Variants in STT3B observed in about 807,000 individuals in gnomAD.
The protein encoded by STT3B is dolichyl-diphosphooligosaccharide--protein glycosyltransferase subunit STT3B.
A neutral mutation model predicts 96.8 loss-of-function variants in STT3B; 29 were observed. That is an observed-to-expected ratio of 0.30 (90% CI 0.22 to 0.41). The LOEUF (loss-of-function observed/expected upper bound fraction) is 0.41. Among genes scored for constraint, STT3B ranks in the 10% least tolerant of loss-of-function variants. The pLI is 1.00. For missense variants in STT3B, 640 were observed against 1,022.3 expected (o/e 0.63, Z 5.10); for synonymous variants, 367 against 360.0 (o/e 1.02, Z -0.22).
chr3:31,559,374 T>C (rs1001125266), intron 1 of STT3B, among the ~76,000 whole-genome samples: 2 of 151,752 alleles, frequency 1.3e-5, no homozygotes, highest in African/African-American at 4.8e-5. Context: ...TGCTGTTTCT[T>C]ATAGGTTTGG....
chr3:31,566,748 T>C (rs910320470), intron 1 of STT3B, among the ~76,000 whole-genome samples: 4 of 152,190 alleles, frequency 2.6e-5, no homozygotes, highest in Admixed American at 6.5e-5. Flanking sequence ...TTTACTCTTT[T>C]ATTTATCTGA....
chr3:31,624,878 A>G (rs765497303), intron 11 of STT3B, 36 bp from the exon 12 acceptor site: 27 of 1,529,944 alleles, frequency 1.8e-5, no homozygotes, highest in Non-Finnish European at 2.4e-5. Flanking sequence ...CACATTTGTG[A>G]CATCTCATTT....
intron 1 of STT3B, among the ~76,000 whole-genome samples, chr3:31,563,494 A>G (rs957014959): frequency 2.6e-5 from 4 of 152,242 alleles, no homozygotes; most frequent in African/African-American, 7.2e-5. Flanking sequence ...GATAAAGGCT[A>G]TTAAAAAAGT....
intron 3 of STT3B, among the ~76,000 whole-genome samples, chr3:31,581,003 T>C (rs1698372253): frequency 1.3e-5 from 2 of 151,778 alleles, no homozygotes; most frequent in African/African-American, 4.8e-5. Flanking sequence ...AACTATATAA[T>C]ATTTTAAATC....
At position 31,622,302 on chromosome 3, in the gene STT3B, T is replaced by C. The variant is rs141872505; in HGVS notation, c.1533T>C (p.Tyr511=). Residue 511 remains tyrosine, a synonymous_variant, in exon 10 of 16, where the codon TAT becomes TAC. Coordinates refer to ENST00000295770, the MANE Select transcript of STT3B (RefSeq NM_178862.3). ...ACAAAAGAAACCAAGGAAATTTGTA[T>C]GATAAGGTGGGGAATCTAAAGTAAG... The part of the protein sequence containing the change: ...EDDKRNQGNL[Y]DKAGKVRKHA... The C allele has an allele frequency of 2.5e-6, 4 of 1,613,814 alleles. No individual in the cohort carries two copies. The highest frequency in any genetic ancestry group is 1.3e-5 in the African/African-American group (1 of 75,068).
intron 1 of STT3B, among the ~76,000 whole-genome samples, chr3:31,557,702 G>A (rs1697754118): frequency 6.6e-6 from 1 of 151,934 alleles, no homozygotes; most frequent in Non-Finnish European, 1.5e-5. Flanking sequence ...GCGCAGTCTC[G>A]GCTCACTGCA....
At chr3:31,633,528 G>A (rs892513518) in intron 15 of STT3B, among the ~76,000 whole-genome samples, 2 of 152,078 alleles carry the variant, frequency 1.3e-5, no homozygotes, top group African/African-American at 4.8e-5. Context: ...TTAGTATGAT[G>A]TTACTCTATT....
chr3:31,558,867 T>G (rs1289393635), intron 1 of STT3B, among the ~76,000 whole-genome samples: 5 of 151,782 alleles, frequency 3.3e-5, no homozygotes, highest in Admixed American at 6.6e-5. Flanking sequence ...GTTCAGGTTT[T>G]TTTTTTTTTT....
intron 1 of STT3B, among the ~76,000 whole-genome samples, chr3:31,554,302 T>G (rs1697639435): frequency 6.6e-6 from 1 of 152,154 alleles, no homozygotes; most frequent in African/African-American, 2.4e-5. Flanking sequence ...ATGGAAAAAA[T>G]GAGCCTTGGT....
At chr3:31,562,293 G>T (rs1317125234) in intron 1 of STT3B, among the ~76,000 whole-genome samples, 1 of 152,176 alleles carries the variant, frequency 6.6e-6, no homozygotes, top group African/African-American at 2.4e-5. Flanking sequence ...TGTGTGGGCT[G>T]GTCCCCAGAC....
chr3:31,633,537 T>TAA (rs773906603), intron 15 of STT3B, among the ~76,000 whole-genome samples: 4 of 152,232 alleles, frequency 2.6e-5, no homozygotes, highest in Non-Finnish European at 4.4e-5. Context: ...TGTTACTCTA[T>TAA]TATTCATTGA....
At chr3:31,615,259 A>G in intron 6 of STT3B, 56 bp downstream of exon 6, 11 of 1,299,670 alleles carry the variant, frequency 8.5e-6, no homozygotes, top group Non-Finnish European at 1.2e-5. Context: ...TGTGATTGGC[A>G]GTCTTCCAAG....
At chr3:31,621,881 A>G (rs1330921108) in intron 9 of STT3B, among the ~76,000 whole-genome samples, 3 of 152,334 alleles carry the variant, frequency 2.0e-5, no homozygotes, top group Non-Finnish European at 2.9e-5. Flanking sequence ...ACATTTTTCT[A>G]AACTGTGGAT....
chr3:31,564,280 T>G (rs1307042241), intron 1 of STT3B, among the ~76,000 whole-genome samples: 1 of 152,188 alleles, frequency 6.6e-6, no homozygotes, highest in Non-Finnish European at 1.5e-5. Flanking sequence ...ATATATAAAA[T>G]AGTTCAGAGG....
intron 1 of STT3B, among the ~76,000 whole-genome samples, chr3:31,561,491 G>A (rs939159957): frequency 1.3e-5 from 2 of 151,814 alleles, no homozygotes; most frequent in African/African-American, 4.8e-5. Flanking sequence ...TCACCCTATT[G>A]TGCTATCAAA....
chr3:31,607,674 A>G (rs1699083917), intron 5 of STT3B, among the ~76,000 whole-genome samples: 1 of 152,202 alleles, frequency 6.6e-6, no homozygotes, highest in Non-Finnish European at 1.5e-5. Context: ...GAATAAATGT[A>G]TATAGTTGAA....
intron 3 of STT3B, among the ~76,000 whole-genome samples, chr3:31,583,716 C>T (rs1698467349): frequency 6.6e-6 from 1 of 152,136 alleles, no homozygotes. Flanking sequence ...GAAGTAATTA[C>T]TCGTAAAGAG....
intron 6 of STT3B, 103 bp from the exon 7 acceptor site, chr3:31,616,826 A>AT: frequency 1.1e-6 from 1 of 915,444 alleles, no homozygotes; most frequent in Non-Finnish European, 1.6e-6. Context: ...GTAGTCTTTG[A>AT]TATGAATGGT....
intron 5 of STT3B, among the ~76,000 whole-genome samples, chr3:31,603,222 GT>G (rs1233335269): frequency 2.0e-5 from 3 of 152,080 alleles, no homozygotes; most frequent in African/African-American, 7.2e-5. Context: ...TTATGAAAAA[GT>G]TGTGTCCTCT....
Sources: gnomAD v4.1 joint callset for allele counts (sites outside exome capture counted in the v4.1 genomes callset) on GRCh38, gnomAD v4.1.1 for gene constraint, MANE v1.5 for transcripts, NCBI Gene and HGNC (gene_info 2026-07-23, HGNC 2026-07-21) for gene names.